FAM135B: variants seen among roughly 807,000 people sequenced by gnomAD.
The protein encoded by FAM135B is protein FAM135B.
A neutral mutation model predicts 127.7 loss-of-function variants in FAM135B; 43 were observed. The observed-to-expected ratio is 0.34, with a 90% CI of 0.26 to 0.43. FAM135B has a LOEUF of 0.43. FAM135B is among the 20% of genes least tolerant of loss of function. The pLI is 1.00. For missense variants in FAM135B, 1,558 were observed against 1,725.6 expected (o/e 0.90, Z 1.72); for synonymous variants, 670 against 665.1 (o/e 1.01, Z -0.11).
rs1319146747 is a variant in FAM135B at position 138,249,481 on chromosome 8, T to G, written c.542+1360A>C. Reference sequence around the variant, plus strand: ...AGTATTTTTATATTCCATAGTAGAATGTACTGCATATTCACTTACACTTTC... The same window carrying G: ...AGTATTTTTATATTCCATAGTAGAAGGTACTGCATATTCACTTACACTTTC... On this transcript the variant is annotated intron_variant, in intron 6 of 19. Transcript: ENST00000395297. 2.6e-5 allele frequency among the ~76,000 whole-genome samples: 4 copies of G among 152,300 alleles called. No individual in the cohort carries two copies. In the East Asian group the frequency reaches 7.7e-4, roughly 29 times the overall value.
intron 3 of FAM135B, among the ~76,000 whole-genome samples, chr8:138,277,470 A>G (rs747950484): frequency 9.9e-5 from 15 of 152,174 alleles, no homozygotes; most frequent in Non-Finnish European, 2.2e-4. Context: ...GGCTGGGTCA[A>G]GTAATTAACT....
chr8:138,161,615 C>T (rs1819400108), intron 12 of FAM135B, among the ~76,000 whole-genome samples: 1 of 152,164 alleles, frequency 6.6e-6, no homozygotes, highest in Non-Finnish European at 1.5e-5. Flanking sequence ...ACCACTGAGA[C>T]ACTACATAGC....
chr8:138,365,939 T>C (rs1017938648), intron 2 of FAM135B, among the ~76,000 whole-genome samples: 8 of 152,172 alleles, frequency 5.3e-5, no homozygotes, highest in Admixed American at 6.5e-5. Flanking sequence ...TAATTATTAG[T>C]GAAGCTTGAT....
intron 4 of FAM135B, among the ~76,000 whole-genome samples, chr8:138,260,630 T>C (rs967130959): frequency 1.3e-5 from 2 of 152,160 alleles, no homozygotes; most frequent in African/African-American, 4.8e-5. Context: ...TGCCTGCCAA[T>C]GCTCAACCTG....
chr8:138,198,914 TCTA>T (rs1227432052), intron 7 of FAM135B, among the ~76,000 whole-genome samples: 5 of 152,194 alleles, frequency 3.3e-5, no homozygotes, highest in Admixed American at 2.0e-4. Flanking sequence ...CTCGTGCCCA[TCTA>T]CTGTTCACAT....
chr8:138,298,394 T>C (rs1488431134), intron 3 of FAM135B, among the ~76,000 whole-genome samples: 1 of 152,030 alleles, frequency 6.6e-6, no homozygotes, highest in African/African-American at 2.4e-5. Flanking sequence ...TCTCAGAAGG[T>C]GACATTTGAG....
chr8:138,238,393 T>C (rs951129167), intron 7 of FAM135B, among the ~76,000 whole-genome samples: 1 of 152,114 alleles, frequency 6.6e-6, no homozygotes, highest in Non-Finnish European at 1.5e-5. Context: ...ATTCCCCTAG[T>C]GTGAAGCTGC....
chr8:138,293,599 A>G (rs567470169), intron 3 of FAM135B, among the ~76,000 whole-genome samples: 33 of 152,308 alleles, frequency 2.2e-4, no homozygotes, highest in Non-Finnish European at 4.0e-4. Flanking sequence ...ACGAATAGAC[A>G]TTTCTCAAAA....
intron 3 of FAM135B, among the ~76,000 whole-genome samples, chr8:138,285,902 T>C (rs796824505): frequency 6.6e-6 from 1 of 152,254 alleles, no homozygotes; most frequent in East Asian, 1.9e-4. Flanking sequence ...CATCTGCTTA[T>C]CTTTGAATCC....
intron 3 of FAM135B, among the ~76,000 whole-genome samples, chr8:138,283,835 C>T (rs570729787): frequency 6.6e-6 from 1 of 152,030 alleles, no homozygotes; most frequent in East Asian, 1.9e-4. Context: ...GGAAGAGATG[C>T]CTGAACTGAG....
chr8:138,231,522 G>A (rs894039800), intron 7 of FAM135B, among the ~76,000 whole-genome samples: 2 of 151,990 alleles, frequency 1.3e-5, no homozygotes, highest in Admixed American at 1.3e-4. Flanking sequence ...ATTTTATTAA[G>A]GAGATACCTA....
chr8:138,170,632 T>A (rs1820349171), intron 11 of FAM135B, among the ~76,000 whole-genome samples: 1 of 152,202 alleles, frequency 6.6e-6, no homozygotes, highest in South Asian at 2.1e-4. Context: ...GATTGGATTA[T>A]GTGATTCCCT....
chr8:138,485,194 G>A (rs749899414), intron 1 of FAM135B, among the ~76,000 whole-genome samples: 20 of 152,026 alleles, frequency 1.3e-4, no homozygotes, highest in Non-Finnish European at 2.4e-4. Flanking sequence ...CTGTAATTTC[G>A]ATTTTCTTTT....
chr8:138,177,244 A>T, intron 11 of FAM135B, 103 bp downstream of exon 11: 1 of 1,079,950 alleles, frequency 9.3e-7, no homozygotes, highest in Non-Finnish European at 1.4e-6. Flanking sequence ...AGGTGGGCAG[A>T]CTTCTCTCCT....
At chr8:138,199,481 G>A (rs1026850181) in intron 7 of FAM135B, among the ~76,000 whole-genome samples, 2 of 152,202 alleles carry the variant, frequency 1.3e-5, no homozygotes, top group Non-Finnish European at 1.5e-5. Flanking sequence ...CTGATGCCAT[G>A]GGGAGTGCTG....
intron 7 of FAM135B, among the ~76,000 whole-genome samples, chr8:138,227,425 G>C (rs1279002098): frequency 1.3e-5 from 2 of 152,204 alleles, no homozygotes; most frequent in Non-Finnish European, 2.9e-5. Flanking sequence ...GCTGGGACCT[G>C]CCTTGGATCC....
intron 7 of FAM135B, among the ~76,000 whole-genome samples, chr8:138,207,086 C>A (rs539462536): frequency 6.6e-6 from 1 of 152,224 alleles, no homozygotes; most frequent in Non-Finnish European, 1.5e-5. Flanking sequence ...GTTTTGTGTT[C>A]CTCTCCTTCT....
intron 2 of FAM135B, among the ~76,000 whole-genome samples, chr8:138,328,598 C>T (rs1827965663): frequency 6.6e-6 from 1 of 152,144 alleles, no homozygotes; most frequent in Non-Finnish European, 1.5e-5. Context: ...TGCAAACAGA[C>T]ATTTCCTTCC....
intron 1 of FAM135B, among the ~76,000 whole-genome samples, chr8:138,484,075 C>G (rs535284099): frequency 2.7e-4 from 41 of 152,164 alleles, no homozygotes; most frequent in Non-Finnish European, 5.1e-4. Context: ...GACTGCTCAT[C>G]TGAGCAAGCA....
Sources: gnomAD v4.1 joint callset for allele counts (sites outside exome capture counted in the v4.1 genomes callset) on GRCh38, gnomAD v4.1.1 for gene constraint, MANE v1.5 for transcripts, NCBI Gene and HGNC (gene_info 2026-07-23, HGNC 2026-07-21) for gene names.